Variants in NDUFAF2 observed in about 807,000 individuals in gnomAD.
The protein encoded by NDUFAF2 is NADH:ubiquinone oxidoreductase complex assembly factor 2.
Under a neutral mutation model 22.8 loss-of-function variants are expected in NDUFAF2, and 13 were observed. The observed-to-expected ratio is 0.57, with a 90% CI of 0.37 to 0.91. The LOEUF (loss-of-function observed/expected upper bound fraction) is 0.91, where lower values mean the gene tolerates loss of function less well. Ranked by LOEUF, NDUFAF2 falls within the 40% of genes least tolerant of loss-of-function variation. The probability of loss-of-function intolerance (pLI) is 0.01; values close to 1 mark genes in which losing one functional copy is unlikely to be tolerated. For missense variants in NDUFAF2, 162 were observed against 195.2 expected, an observed-to-expected ratio of 0.83 and a Z score of 1.01; for synonymous variants, 53 against 64.2, an observed-to-expected ratio of 0.83 and a Z score of 0.84.
intron 1 of NDUFAF2, among the ~76,000 whole-genome samples, chr5:61,029,641 CT>C (rs2112608761): frequency 6.6e-6 from 1 of 152,238 alleles, no homozygotes; most frequent in Non-Finnish European, 1.5e-5. Flanking sequence ...GCATTCTGTG[CT>C]GCAAGTGTCT....
At chr5:61,105,629 C>CAA (rs35145386) in intron 3 of NDUFAF2, among the ~76,000 whole-genome samples, 3 of 117,778 alleles carry the variant, frequency 2.5e-5, no homozygotes, top group Non-Finnish European at 3.5e-5. Context: ...TGATACTGAG[C>CAA]AAAAAAAAAA....
chr5:61,134,594 G>A lies in NDUFAF2; in HGVS notation c.259-18110G>A, dbSNP rs1466639237. ...CCAGCTACTTGGGAGGCTGAGGCAG[G>A]AGAATGGCATGAACCCAGGAGGCAG... is the stretch of plus-strand genomic sequence containing the variant. On this transcript the variant is annotated intron_variant, in intron 3 of 3. Transcript: ENST00000296597. 2.6e-5 allele frequency among the ~76,000 whole-genome samples: 4 copies of A among 152,146 alleles called. No individual in the cohort carries two copies. The East Asian group carries it at 7.7e-4, about 29-fold the overall frequency.
At chr5:61,118,568 A>G (rs1752940553) in intron 3 of NDUFAF2, among the ~76,000 whole-genome samples, 1 of 151,884 alleles carries the variant, frequency 6.6e-6, no homozygotes, top group Admixed American at 6.6e-5. Flanking sequence ...TAGCCTTGCC[A>G]ATTAAGTTAT....
chr5:61,068,524 G>A (rs1384090293), intron 1 of NDUFAF2, among the ~76,000 whole-genome samples: 1 of 152,074 alleles, frequency 6.6e-6, no homozygotes, highest in Non-Finnish European at 1.5e-5. Flanking sequence ...ATATGTGTTT[G>A]TGTATTTATA....
chr5:60,973,545 T>G (rs1750863607), intron 1 of NDUFAF2, among the ~76,000 whole-genome samples: 1 of 152,198 alleles, frequency 6.6e-6, no homozygotes, highest in South Asian at 2.1e-4. Context: ...CACTTCTTGA[T>G]GAATCTACCA....
intron 1 of NDUFAF2, among the ~76,000 whole-genome samples, chr5:60,990,671 A>G (rs1480310674): frequency 1.3e-5 from 2 of 152,198 alleles, no homozygotes; most frequent in African/African-American, 2.4e-5. Flanking sequence ...AAATTTTTAC[A>G]AAAAGTCTAA....
chr5:61,136,005 T>TTATATATATATA lies in NDUFAF2; in HGVS notation c.259-16673_259-16662dup, dbSNP rs57756292. ...TTGGTCCCTACATCTAAGCCTGTCTTTATATATATATATATATATATATAT... is the reference window on the plus strand; with the variant it reads ...TTGGTCCCTACATCTAAGCCTGTCTTTATATATATATATATATATATATATATATATATATAT... On this transcript the variant is annotated intron_variant, in intron 3 of 3. Coordinates refer to ENST00000296597, the MANE Select transcript of NDUFAF2 (RefSeq NM_174889.5). Among the ~76,000 whole-genome samples the TTATATATATATA allele has an allele frequency of 7.2e-3, 690 of 95,690 alleles. 20 individuals are homozygous for TTATATATATATA. The highest frequency in any genetic ancestry group is 8.7e-3 in the Non-Finnish European group (430 of 49,636). The allele number at this position is 95,690 out of a possible 152,430, so 62.8% of individuals were successfully genotyped here. A position where few individuals can be genotyped will look rare whatever the true frequency, so the allele number is the denominator to read the frequency against.
At chr5:61,140,082 C>T (rs1225098140) in intron 3 of NDUFAF2, among the ~76,000 whole-genome samples, 2 of 152,242 alleles carry the variant, frequency 1.3e-5, no homozygotes, top group Admixed American at 6.5e-5. Flanking sequence ...GTAAGCCAGA[C>T]TTGGCCCAAG....
intron 1 of NDUFAF2, among the ~76,000 whole-genome samples, chr5:60,972,773 GTTTTTTTTTTTTTTGGTTTTCT>G (rs1156662594): frequency 3.8e-5 from 4 of 103,926 alleles, no homozygotes; most frequent in Non-Finnish European, 5.7e-5. Context: ...TGTGTATTCT[GTTTTTTTTTTTTTTGGTTTTCT>G]TTTTTTTTTT....
rs1161336932 is a variant in NDUFAF2 at position 61,040,276 on chromosome 5, A to G, written c.128-32849A>G. The stretch of plus-strand genomic sequence containing the variant: ...GACACACACACACACACACACACAC[A>G]CACACACACACGCGCGCGCGCGCGC... On this transcript the variant is annotated intron_variant, in intron 1 of 3. Transcript: ENST00000296597. Among the ~76,000 whole-genome samples the G allele has an allele frequency of 2.2e-3, 268 of 120,664 alleles. 3 individuals carry two copies. The highest frequency in any genetic ancestry group is 7.6e-3 in the African/African-American group (195 of 25,594). The allele number at this position is 120,664 out of a possible 152,430, so 79.2% of individuals were successfully genotyped here.
chr5:61,058,056 G>C (rs991226405), intron 1 of NDUFAF2, among the ~76,000 whole-genome samples: 1 of 152,070 alleles, frequency 6.6e-6, no homozygotes, highest in Non-Finnish European at 1.5e-5. Flanking sequence ...AGTAACAGTA[G>C]ATAACAGTAC....
chr5:61,087,706 G>T (rs1467088979), intron 2 of NDUFAF2, among the ~76,000 whole-genome samples: 1 of 151,998 alleles, frequency 6.6e-6, no homozygotes, highest in Non-Finnish European at 1.5e-5. Flanking sequence ...TCTTGTACCG[G>T]AATTTTCCCA....
intron 3 of NDUFAF2, among the ~76,000 whole-genome samples, chr5:61,131,293 T>C (rs1437402268): frequency 2.0e-5 from 3 of 151,636 alleles, no homozygotes; most frequent in African/African-American, 7.3e-5. Flanking sequence ...ACTCCTAGGC[T>C]CAAGCAATTC....
chr5:61,081,813 G>T (rs1752446326), intron 2 of NDUFAF2, among the ~76,000 whole-genome samples: 1 of 152,176 alleles, frequency 6.6e-6, no homozygotes, highest in Non-Finnish European at 1.5e-5. Flanking sequence ...TGTTCTTCCT[G>T]TTGTGATAAA....
At chr5:61,136,714 C>T (rs1015058827) in intron 3 of NDUFAF2, among the ~76,000 whole-genome samples, 1 of 152,126 alleles carries the variant, frequency 6.6e-6, no homozygotes, top group African/African-American at 2.4e-5. Context: ...CTAAAAGGTG[C>T]CTTAATAAGC....
chr5:60,978,188 T>G (rs931803472), intron 1 of NDUFAF2, among the ~76,000 whole-genome samples: 9 of 152,080 alleles, frequency 5.9e-5, no homozygotes, highest in Non-Finnish European at 1.3e-4. Context: ...TGAGGGAGCA[T>G]TAAGACCAGC....
At chr5:60,957,330 T>C (rs2112565607) in intron 1 of NDUFAF2, among the ~76,000 whole-genome samples, 1 of 152,226 alleles carries the variant, frequency 6.6e-6, no homozygotes, top group Non-Finnish European at 1.5e-5. Context: ...CCTATAAACA[T>C]TTCAGTATGT....
chr5:61,148,868 T>C (rs1025578814), intron 3 of NDUFAF2, among the ~76,000 whole-genome samples: 2 of 152,206 alleles, frequency 1.3e-5, no homozygotes, highest in African/African-American at 4.8e-5. Flanking sequence ...TACATTAGAA[T>C]ATGGAAAAAT....
chr5:60,947,446 A>G (rs1158744181), intron 1 of NDUFAF2, among the ~76,000 whole-genome samples: 1 of 152,046 alleles, frequency 6.6e-6, no homozygotes, highest in East Asian at 1.9e-4. Context: ...TCGGTGAAGT[A>G]TTGTTCAAAC....
Sources: allele counts gnomAD v4.1 joint callset (sites outside exome capture counted in the v4.1 genomes callset), GRCh38; gene constraint gnomAD v4.1.1; transcripts MANE v1.5; gene names NCBI Gene and HGNC (gene_info 2026-07-23, HGNC 2026-07-21).